Variants in ITSN2 observed in about 807,000 individuals in gnomAD.
The protein encoded by ITSN2 is intersectin-2.
In ITSN2, 156 loss-of-function variants were observed where a neutral mutation model predicts 243.7. The ratio of observed to expected loss-of-function variants is 0.64; its 90% CI spans 0.56 to 0.73. The LOEUF is 0.73. Ranked by LOEUF, ITSN2 falls within the 30% of genes least tolerant of loss-of-function variation. The pLI is 0.00. For synonymous variants in ITSN2, 703 were observed against 699.9 expected (o/e 1.00, Z -0.07); for missense variants, 1,801 against 1,996.1 (o/e 0.90, Z 1.86).
rs79392920 is a variant in ITSN2 at position 24,228,129 on chromosome 2, G to C, written c.3578-7063C>G. 7.2e-3 allele frequency among the ~76,000 whole-genome samples: 1,103 copies of C among 152,208 alleles called. 8 individuals are homozygous for C. Among genetic ancestry groups the C allele is most frequent in the African/African-American group, 0.026 (1,062 of 41,518 alleles). On this transcript the variant is annotated intron_variant, in intron 29 of 39. Transcript: ENST00000355123. ...AATAAATCCATACCAGAACACCAAG[G>C]AGGGAAGAAAAAACATGATTAAACA...
intron 20 of ITSN2, among the ~76,000 whole-genome samples, chr2:24,269,589 C>T (rs1170032305): frequency 6.6e-6 from 1 of 152,200 alleles, no homozygotes; most frequent in East Asian, 1.9e-4. Context: ...AAGCTGGTAG[C>T]AGTCTACAAC....
At position 24,210,788 on chromosome 2, in the gene ITSN2, G is replaced by C; in HGVS notation, c.4249C>G (p.Leu1417Val). 6.2e-7 allele frequency: 1 copy of C among 1,613,854 alleles called. No homozygotes were observed. Among genetic ancestry groups the C allele is most frequent in the Non-Finnish European group, 8.5e-7 (1 of 1,179,878 alleles). The change falls in exon 34 of 40, where the codon CTC becomes GTC. Residue 1417 changes from leucine to valine, a missense_variant. Leu to Val is a conservative substitution (Grantham distance 32, BLOSUM62 1). Coordinates refer to ENST00000355123, the MANE Select transcript of ITSN2 (RefSeq NM_006277.3). Reference sequence around the variant, plus strand: ...AACCACACAGGCCTGACCTCCGCGAGGCCTTCACACTGCACGTGCGCCTGG... The same window carrying C: ...AACCACACAGGCCTGACCTCCGCGACGCCTTCACACTGCACGTGCGCCTGG... Reference protein sequence around the residue: ...WIQAHVQCEGLAEQLIFNSLT... With the variant: ...WIQAHVQCEGVAEQLIFNSLT...
At chr2:24,303,166 T>A (rs1182738622) in intron 9 of ITSN2, among the ~76,000 whole-genome samples, 2 of 151,990 alleles carry the variant, frequency 1.3e-5, no homozygotes, top group East Asian at 1.9e-4. Context: ...TCCTTCTACT[T>A]ACAGAAAAAA....
At chr2:24,236,815 G>A (rs373537178) in intron 29 of ITSN2, among the ~76,000 whole-genome samples, 14 of 151,120 alleles carry the variant, frequency 9.3e-5, no homozygotes, top group African/African-American at 3.2e-4. Flanking sequence ...GACTACAGGC[G>A]TGCAGCAGCA....
At position 24,310,481 on chromosome 2, in the gene ITSN2, G is replaced by A. The variant is rs1683120756; in HGVS notation, c.556+8C>T. The A allele has an allele frequency of 6.2e-7, 1 of 1,612,806 alleles. No individual in the cohort carries two copies. The highest frequency in any genetic ancestry group is 1.3e-5 in the African/African-American group (1 of 75,020). ...GAAATAATGACTCTTTAGAAACAAA[G>A]TACTCACTTGAAGAAGAATAAGGAA... On this transcript the variant is annotated splice_region_variant and intron_variant, in intron 6 of 39. Coordinates refer to ENST00000355123, the MANE Select transcript of ITSN2 (RefSeq NM_006277.3).
chr2:24,345,815 T>C (rs948439901), intron 1 of ITSN2, among the ~76,000 whole-genome samples: 5 of 152,206 alleles, frequency 3.3e-5, no homozygotes, highest in African/African-American at 9.7e-5. Flanking sequence ...TAGGGCATCT[T>C]TCATTATACC....
intron 1 of ITSN2, among the ~76,000 whole-genome samples, chr2:24,340,580 C>T (rs1313184210): frequency 6.6e-6 from 1 of 152,130 alleles, no homozygotes; most frequent in Non-Finnish European, 1.5e-5. Context: ...TCCCTTCCAG[C>T]CTCTGTCCCA....
rs568328241 is a variant in ITSN2, at chr2:24,342,299, G to A, written c.-33-14184C>T. Among the ~76,000 whole-genome samples the A allele has an allele frequency of 2.6e-5, 4 of 151,980 alleles. No individual in the cohort carries two copies. The East Asian group carries it at 5.8e-4, about 22-fold the overall frequency. ...TGCAGCCTCGACCTCCCAGGCTCAC[G>A]TGATTCTCCCACCTCAGCTTTTCAA... On this transcript the variant is annotated intron_variant, in intron 1 of 39. Transcript: ENST00000355123.
chr2:24,309,479 C>T (rs1321462857), intron 7 of ITSN2, among the ~76,000 whole-genome samples: 3 of 152,140 alleles, frequency 2.0e-5, no homozygotes, highest in African/African-American at 4.8e-5. Context: ...GGATTACAGG[C>T]GTGAGCCACT....
intron 4 of ITSN2, among the ~76,000 whole-genome samples, chr2:24,312,920 G>T (rs1683431607): frequency 6.6e-6 from 1 of 152,040 alleles, no homozygotes; most frequent in African/African-American, 2.4e-5. Context: ...AGAGGATTTT[G>T]AGATTCTGCC....
At chr2:24,311,119 C>T (rs1331329367) in intron 5 of ITSN2, among the ~76,000 whole-genome samples, 1 of 151,990 alleles carries the variant, frequency 6.6e-6, no homozygotes, top group Non-Finnish European at 1.5e-5. Context: ...ACATACTCCC[C>T]CCAAACAAAA....
intron 1 of ITSN2, among the ~76,000 whole-genome samples, chr2:24,347,719 TG>T (rs573457331): frequency 0.22 from 5,018 of 23,038 alleles, 125 homozygotes; most frequent in Middle Eastern, 0.27. Context: ...AATGTAAATT[TG>T]GGTTTTCTTT....
intron 28 of ITSN2, 106 bp downstream of exon 28, chr2:24,246,691 G>T: frequency 1.4e-6 from 1 of 734,248 alleles, no homozygotes. Flanking sequence ...CAGACATAAG[G>T]AAAGAACACA....
intron 29 of ITSN2, among the ~76,000 whole-genome samples, chr2:24,242,979 T>C (rs1672912225): frequency 6.6e-6 from 1 of 152,162 alleles, no homozygotes; most frequent in Non-Finnish European, 1.5e-5. Context: ...AATAACCTCT[T>C]GAACATTTTG....
chr2:24,203,814 C>G (rs1311091905), intron 39 of ITSN2, 31 bp from the exon 40 acceptor site: 1 of 1,582,238 alleles, frequency 6.3e-7, no homozygotes, highest in African/African-American at 1.4e-5. Context: ...AGTCAGAAGT[C>G]TTTCTTCTTT....
At chr2:24,220,349 C>T in intron 30 of ITSN2, 2 of 985,406 alleles carry the variant, frequency 2.0e-6, no homozygotes, top group Non-Finnish European at 2.4e-6. Context: ...CTTTTGTTCA[C>T]TCAAGCACAA....
chr2:24,232,995 A>C (rs917322659), intron 29 of ITSN2, among the ~76,000 whole-genome samples: 2 of 152,218 alleles, frequency 1.3e-5, no homozygotes, highest in East Asian at 1.9e-4. Flanking sequence ...TTTATGTCTA[A>C]GTGATATAAT....
chr2:24,229,461 C>T (rs902871716), intron 29 of ITSN2, among the ~76,000 whole-genome samples: 5 of 152,002 alleles, frequency 3.3e-5, no homozygotes, highest in African/African-American at 7.2e-5. Flanking sequence ...TGGTGACAGG[C>T]GCCTGTAATC....
At chr2:24,344,560 T>C (rs1220581133) in intron 1 of ITSN2, among the ~76,000 whole-genome samples, 1 of 152,236 alleles carries the variant, frequency 6.6e-6, no homozygotes, top group East Asian at 1.9e-4. Flanking sequence ...GAATTGCCTA[T>C]TCATTTATTT....
Sources: allele counts gnomAD v4.1 joint callset (sites outside exome capture counted in the v4.1 genomes callset), GRCh38; gene constraint gnomAD v4.1.1; transcripts MANE v1.5; gene names NCBI Gene and HGNC (gene_info 2026-07-23, HGNC 2026-07-21).